Variants in MGAT5 observed in about 807,000 individuals in gnomAD.
MGAT5 encodes the protein alpha-1,6-mannosylglycoprotein 6-beta-N-acetylglucosaminyltransferase A.
In MGAT5, 30 loss-of-function variants were observed where a neutral mutation model predicts 94.3. The ratio of observed to expected loss-of-function variants is 0.32; its 90% CI spans 0.24 to 0.43. The LOEUF is 0.43. Among genes scored for constraint, MGAT5 ranks in the 20% least tolerant of loss-of-function variants. The probability of loss-of-function intolerance (pLI) is 1.00; values close to 1 mark genes in which losing one functional copy is unlikely to be tolerated. For missense variants in MGAT5, 691 were observed against 905.5 expected (o/e 0.76, Z 3.04); for synonymous variants, 310 against 322.9 (o/e 0.96, Z 0.43).
At chr2:134,336,019 C>A (rs1688313007) in intron 4 of MGAT5, among the ~76,000 whole-genome samples, 198 bp from the exon 5 acceptor site, 1 of 152,034 alleles carries the variant, frequency 6.6e-6, no homozygotes. Context: ...TCCTTCTGAC[C>A]TTTGCTGCTG....
intron 2 of MGAT5, among the ~76,000 whole-genome samples, chr2:134,315,517 A>T (rs1686948524): frequency 6.6e-6 from 1 of 152,218 alleles, no homozygotes; most frequent in Admixed American, 6.5e-5. Flanking sequence ...GCCCCACCTC[A>T]AGTCTGCATC....
chr2:134,198,793 T>C (rs770240606), intron 1 of MGAT5, among the ~76,000 whole-genome samples: 4 of 152,232 alleles, frequency 2.6e-5, no homozygotes, highest in Non-Finnish European at 4.4e-5. Context: ...ATTCTTCATC[T>C]TACTACTTAT....
intron 1 of MGAT5, among the ~76,000 whole-genome samples, chr2:134,247,497 T>C (rs1682354002): frequency 6.6e-6 from 1 of 152,244 alleles, no homozygotes; most frequent in South Asian, 2.1e-4. Context: ...GTCTCTGCGA[T>C]ATAAATTGAT....
intron 6 of MGAT5, among the ~76,000 whole-genome samples, chr2:134,339,198 C>T (rs991323804): frequency 1.3e-5 from 2 of 152,164 alleles, no homozygotes; most frequent in Non-Finnish European, 2.9e-5. Context: ...TGTGAGACAA[C>T]AGGACCACAC....
rs377744548 is a variant in MGAT5, at chr2:134,189,355, G to A, written c.-142-64907G>A. On this transcript the variant is annotated intron_variant, in intron 1 of 16. Coordinates refer to the MGAT5 transcript ENST00000409645. ...AATAAATACACTCCTACTACAGCAGGTAGTCCAAGGATTTTGAACCATCCC... is the reference window on the plus strand; with the variant it reads ...AATAAATACACTCCTACTACAGCAGATAGTCCAAGGATTTTGAACCATCCC... Among the ~76,000 whole-genome samples the A allele has an allele frequency of 2.9e-4, 44 of 152,222 alleles. 1 individual carries two copies. The highest frequency in any genetic ancestry group is 1.0e-3 in the African/African-American group (43 of 41,530).
Position 134,176,097 on chromosome 2 carries a change from G to A in MGAT5, c.-143+55806G>A, listed in dbSNP as rs148356235. ...CTAGCACGTTGGAGGGGCTGGGGAA[G>A]GTTAAGACTACTGTTTACAGAGAGA... On this transcript the variant is annotated intron_variant, in intron 1 of 16. Transcript: ENST00000409645. Among the ~76,000 whole-genome samples the A allele has an allele frequency of 7.9e-5, 12 of 152,316 alleles. No individual in the cohort carries two copies. The East Asian group carries it at 2.3e-3, about 29-fold the overall frequency.
chr2:134,422,812 C>G lies in MGAT5; in HGVS notation c.1687C>G (p.Gln563Glu). 6.2e-7 allele frequency: 1 copy of G among 1,613,646 alleles called. No homozygotes were observed. The highest frequency in any genetic ancestry group is 8.5e-7 in the Non-Finnish European group (1 of 1,179,654). Residue 563 changes from glutamine to glutamate, a missense_variant, in exon 13 of 16, where the codon CAG becomes GAG. Gln to Glu is a conservative substitution (Grantham distance 29). This residue lies in a region of MGAT5 where 260 missense variants were observed against 347.0 expected (regional missense o/e 0.75). Transcript: ENST00000281923. ...TTCGGTTCTTTTCCAGCTGACATCC[C>G]AGCATCCTTACGCTGAAGTTTTCAT... ...GKPTLRELTS[Q>E]HPYAEVFIGR...
chr2:134,406,863 C>G (rs1268513068), intron 11 of MGAT5, among the ~76,000 whole-genome samples: 1 of 152,144 alleles, frequency 6.6e-6, no homozygotes, highest in Admixed American at 6.6e-5. Context: ...TGCACTCCAG[C>G]CTGAGTGACA....
At chr2:134,408,167 G>A (rs187685616) in intron 11 of MGAT5, among the ~76,000 whole-genome samples, 261 of 152,290 alleles carry the variant, frequency 1.7e-3, no homozygotes, top group Non-Finnish European at 2.8e-3. Context: ...TTGTCCTGGT[G>A]TGGAATTTGG....
intron 1 of MGAT5, among the ~76,000 whole-genome samples, chr2:134,121,912 C>T (rs999100651): frequency 6.6e-6 from 1 of 152,152 alleles, no homozygotes; most frequent in Admixed American, 6.5e-5. Flanking sequence ...TCAGAACTCC[C>T]TTGTCTGTAC....
At chr2:134,236,073 A>G (rs1253454946) in intron 1 of MGAT5, among the ~76,000 whole-genome samples, 2 of 151,996 alleles carry the variant, frequency 1.3e-5, no homozygotes, top group African/African-American at 4.8e-5. Context: ...CTCAGACACC[A>G]CCTATTTCTG....
chr2:134,403,100 G>A lies in MGAT5; in HGVS notation c.1493G>A (p.Ser498Asn). 1 of 1,610,542 alleles carries A rather than the reference G, an allele frequency of 6.2e-7. No individual in the cohort carries two copies. Among genetic ancestry groups the A allele is most frequent in the South Asian group, 1.1e-5 (1 of 90,074 alleles). ...PSYVKNHGILSGRDLQFLLRE... is the reference protein window; with the variant it reads ...PSYVKNHGILNGRDLQFLLRE... ...TACGTGAAAAACCATGGTATCCTCA[G>A]TGGACGGGACCTGCAGTTCCTTCTT... The change falls in exon 11 of 16, where the codon AGT becomes AAT. Residue 498 changes from serine to asparagine, a missense_variant. This residue lies in a region of MGAT5 where 260 missense variants were observed against 347.0 expected (regional missense o/e 0.75). Transcript: ENST00000281923.
Position 134,272,792 on chromosome 2 carries a change from G to A in MGAT5, c.406+2242G>A, listed in dbSNP as rs146588083. On this transcript the variant is annotated intron_variant, in intron 2 of 15. Transcript: ENST00000281923. Reference sequence around the variant, plus strand: ...TCAGCTTCAGATCTGCTAGTGCTATGTAGAGAAGAGATTCTGAGTGTTAAC... The same window carrying A: ...TCAGCTTCAGATCTGCTAGTGCTATATAGAGAAGAGATTCTGAGTGTTAAC... 9.1e-4 allele frequency among the ~76,000 whole-genome samples: 138 copies of A among 152,326 alleles called. 2 individuals are homozygous for A. The highest frequency in any genetic ancestry group is 1.0e-3 in the Admixed American group (16 of 15,304).
chr2:134,262,118 A>G (rs762127395), intron 1 of MGAT5, among the ~76,000 whole-genome samples: 4 of 152,260 alleles, frequency 2.6e-5, no homozygotes, highest in Non-Finnish European at 4.4e-5. Flanking sequence ...AAAACAGACA[A>G]TATAATATCA....
chr2:134,370,995 C>T (rs72980024), intron 10 of MGAT5, among the ~76,000 whole-genome samples: 7,479 of 152,150 alleles, frequency 0.049, 615 homozygotes, highest in African/African-American at 0.17. Context: ...TAGCCTTACC[C>T]GATGTCATCA....
intron 10 of MGAT5, among the ~76,000 whole-genome samples, chr2:134,378,564 G>A (rs1345157549): frequency 2.0e-5 from 3 of 151,220 alleles, no homozygotes; most frequent in African/African-American, 7.3e-5. Context: ...CAGTGTTCTC[G>A]ATCGTTAAAT....
At chr2:134,388,436 T>C (rs1682167812) in intron 10 of MGAT5, among the ~76,000 whole-genome samples, 1 of 150,210 alleles carries the variant, frequency 6.7e-6, no homozygotes, top group African/African-American at 2.5e-5. Flanking sequence ...ATGAAGATCT[T>C]TAAAAAAAAA....
intron 1 of MGAT5, among the ~76,000 whole-genome samples, chr2:134,269,560 G>A (rs1367457349): frequency 1.3e-5 from 2 of 152,232 alleles, no homozygotes; most frequent in Non-Finnish European, 2.9e-5. Context: ...TGAATTTTTA[G>A]AGGAGAGAGT....
chr2:134,314,565 C>A (rs1558783091), intron 2 of MGAT5, among the ~76,000 whole-genome samples: 1 of 152,146 alleles, frequency 6.6e-6, no homozygotes, highest in Non-Finnish European at 1.5e-5. Context: ...AAAGGAATAA[C>A]GTGATCACTC....
Sources: allele counts gnomAD v4.1 joint callset (sites outside exome capture counted in the v4.1 genomes callset), GRCh38; gene constraint gnomAD v4.1.1; regional missense constraint gnomAD v4.1.1; transcripts MANE v1.5; gene names NCBI Gene and HGNC (gene_info 2026-07-23, HGNC 2026-07-21).